Variants in NUP62CL observed in about 807,000 individuals in gnomAD.
NUP62CL encodes the protein nucleoporin 62 C-terminal like.
NUP62CL carries 13 observed loss-of-function variants against 15.3 expected under a neutral mutation model. That is an observed-to-expected ratio of 0.85 (90% CI 0.55 to 1.35). The LOEUF (loss-of-function observed/expected upper bound fraction) is 1.35, where lower values mean the gene tolerates loss of function less well. NUP62CL is among the 40% of genes most tolerant of loss of function. The pLI is 0.00. For synonymous variants in NUP62CL, 54 were observed against 49.2 expected (o/e 1.10, Z -0.41); for missense variants, 123 against 130.6 (o/e 0.94, Z 0.28).
chrX:107,135,509 T>C (rs1311730203), intron 8 of NUP62CL, among the ~76,000 whole-genome samples: 1 of 111,223 alleles, frequency 9.0e-6, no homozygotes, highest in African/African-American at 3.3e-5. Flanking sequence ...ACTGTGAGAT[T>C]ACCCTGGACT....
rs1381031355 is a variant in NUP62CL at position 107,175,131 on chromosome X, T to C, written c.16A>G (p.Ile6Val). Residue 6 changes from isoleucine to valine, a missense_variant, in exon 3 of 9, where the codon ATA (isoleucine) becomes GTA (valine). Ile to Val is a conservative substitution (Grantham distance 29). Coordinates refer to ENST00000372466, the MANE Select transcript of NUP62CL (RefSeq NM_017681.3). ...GCAGTGGAGGTCAAAGAATTTGATA[T>C]TGAGGTAAACTGCATGGTGCTTGAA... MQFTS[I>V]SNSLTSTAAI... 1 of 1,207,802 alleles carries C rather than the reference T, an allele frequency of 8.3e-7. No homozygotes were observed. The highest frequency in any genetic ancestry group is 1.1e-6 in the Non-Finnish European group (1 of 892,645).
chrX:107,177,850 C>T (rs1052862511), intron 2 of NUP62CL, among the ~76,000 whole-genome samples: 4 of 111,328 alleles, frequency 3.6e-5, no homozygotes, highest in Admixed American at 9.6e-5. Flanking sequence ...CTTAGGGATA[C>T]ATATATATGC....
At position 107,164,438 on chromosome X, in the gene NUP62CL, A is replaced by G. The variant is rs183532071; in HGVS notation, c.194+3211T>C. Reference sequence around the variant, plus strand: ...ATAGTCTGAGTTCATACCTCAACGAACTAGAAAAAGAGCAAAATGAACTCA... The same window carrying G: ...ATAGTCTGAGTTCATACCTCAACGAGCTAGAAAAAGAGCAAAATGAACTCA... On this transcript the variant is annotated intron_variant, in intron 4 of 8. Coordinates refer to ENST00000372466, the MANE Select transcript of NUP62CL (RefSeq NM_017681.3). 1.7e-4 allele frequency among the ~76,000 whole-genome samples: 19 copies of G among 111,201 alleles called. No homozygotes were observed. The East Asian group carries it at 5.4e-3, about 31-fold the overall frequency.
At chrX:107,188,374 T>C (rs936791840) in intron 2 of NUP62CL, among the ~76,000 whole-genome samples, 1 of 111,027 alleles carries the variant, frequency 9.0e-6, no homozygotes, top group African/African-American at 3.3e-5. Flanking sequence ...TATCAATTGA[T>C]GCAGAAAAAG....
chrX:107,182,442 A>T (rs1926941236), intron 2 of NUP62CL, among the ~76,000 whole-genome samples: 1 of 112,379 alleles, frequency 8.9e-6, no homozygotes, highest in Non-Finnish European at 1.9e-5. Context: ...TGCTATAAGG[A>T]TCCCAAAATC....
chrX:107,128,609 A>G (rs1359856667), intron 8 of NUP62CL, among the ~76,000 whole-genome samples: 1 of 111,959 alleles, frequency 8.9e-6, no homozygotes, highest in African/African-American at 3.2e-5. Flanking sequence ...CACAGCCTGG[A>G]TACAAAGAAG....
At position 107,132,331 on chromosome X, in the gene NUP62CL, C is replaced by T. The variant is rs1461248917; in HGVS notation, c.*43-7999G>A. 3 of 683,706 alleles carry T rather than the reference C, an allele frequency of 4.4e-6. No homozygotes were observed. In the African/African-American group the frequency reaches 6.6e-5, roughly 15 times the overall value. 56.3% of individuals were successfully genotyped at this position (683,706 alleles called of 1,213,427 possible). On this transcript the variant is annotated intron_variant, in intron 8 of 8. Transcript: ENST00000372466. The stretch of plus-strand genomic sequence containing the variant: ...TGTCAAGAACTTTTTAGAGTTCTTA[C>T]ATAAAAATAATTGCTGTGTAGCTTT...
chrX:107,167,414 A>G (rs1008330586), intron 4 of NUP62CL, among the ~76,000 whole-genome samples: 6 of 112,100 alleles, frequency 5.4e-5, no homozygotes, highest in African/African-American at 1.9e-4. Context: ...TAATTGCACA[A>G]TAAGTGGTAG....
At chrX:107,179,124 CAATTGT>C (rs1320722133) in intron 2 of NUP62CL, among the ~76,000 whole-genome samples, 2 of 109,779 alleles carry the variant, frequency 1.8e-5, no homozygotes, top group African/African-American at 6.6e-5. Context: ...AAGAAATAAC[CAATTGT>C]ATAGCAAAGG....
At chrX:107,133,323 T>A (rs1925563323) in intron 8 of NUP62CL, among the ~76,000 whole-genome samples, 1 of 110,091 alleles carries the variant, frequency 9.1e-6, no homozygotes. Flanking sequence ...CTCCCTATTT[T>A]AAGATCGATA....
intron 2 of NUP62CL, among the ~76,000 whole-genome samples, chrX:107,185,145 C>T (rs904841199): frequency 2.2e-5 from 2 of 89,167 alleles, no homozygotes; most frequent in South Asian, 6.0e-4. Context: ...TGCAGTGAGC[C>T]GAGATCGCGC....
chrX:107,134,861 A>G (rs1272089919), intron 8 of NUP62CL, among the ~76,000 whole-genome samples: 2 of 111,034 alleles, frequency 1.8e-5, no homozygotes, highest in South Asian at 3.8e-4. Flanking sequence ...CTATATCCCA[A>G]TGTCTACATG....
intron 8 of NUP62CL, among the ~76,000 whole-genome samples, chrX:107,138,777 G>T (rs1434817819): frequency 4.5e-5 from 5 of 112,213 alleles, no homozygotes; most frequent in African/African-American, 1.6e-4. Context: ...ACTACCATAT[G>T]ATCCAGCAAT....
chrX:107,164,882 C>T (rs1418154949), intron 4 of NUP62CL, among the ~76,000 whole-genome samples: 1 of 112,636 alleles, frequency 8.9e-6, no homozygotes, highest in Non-Finnish European at 1.9e-5. Context: ...GGGAGGATCA[C>T]GAAGTCAGGA....
At chrX:107,168,388 T>C (rs1217870379) in intron 3 of NUP62CL, among the ~76,000 whole-genome samples, 1 of 111,832 alleles carries the variant, frequency 8.9e-6, no homozygotes, top group African/African-American at 3.2e-5. Flanking sequence ...GTCAAAAGCC[T>C]CTCAAAGCTT....
chrX:107,159,955 A>G (rs1469341076), intron 4 of NUP62CL, among the ~76,000 whole-genome samples: 1 of 107,730 alleles, frequency 9.3e-6, no homozygotes, highest in Non-Finnish European at 1.9e-5. Flanking sequence ...AAATCAATGT[A>G]CAAAAATCAC....
chrX:107,160,991 C>CA (rs901628891), intron 4 of NUP62CL, among the ~76,000 whole-genome samples: 2 of 111,485 alleles, frequency 1.8e-5, no homozygotes, highest in East Asian at 2.8e-4. Flanking sequence ...AGACACTTCT[C>CA]AAAAGAAGAC....
At chrX:107,171,005 A>G (rs966550819) in intron 3 of NUP62CL, among the ~76,000 whole-genome samples, 4 of 112,281 alleles carry the variant, frequency 3.6e-5, no homozygotes, top group African/African-American at 1.3e-4. Context: ...AGCCTTTAAA[A>G]TATTCTACTA....
At chrX:107,163,514 T>A (rs899958978) in intron 4 of NUP62CL, among the ~76,000 whole-genome samples, 1 of 111,813 alleles carries the variant, frequency 8.9e-6, no homozygotes, top group Non-Finnish European at 1.9e-5. Flanking sequence ...ATGTGAATAG[T>A]TACCTTAAAT....
Sources: gnomAD v4.1 joint callset for allele counts (sites outside exome capture counted in the v4.1 genomes callset) on GRCh38, gnomAD v4.1.1 for gene constraint, MANE v1.5 for transcripts, NCBI Gene and HGNC (gene_info 2026-07-23, HGNC 2026-07-21) for gene names.